The following PLCH1 variants were observed in gnomAD, a reference collection of about 807,000 sequenced individuals.
The protein encoded by PLCH1 is phospholipase C eta 1.
In PLCH1, 60 loss-of-function variants were observed where a neutral mutation model predicts 126.7. The observed-to-expected ratio is 0.47, with a 90% CI of 0.38 to 0.59. The LOEUF is 0.59. Among genes scored for constraint, PLCH1 ranks in the 20% least tolerant of loss-of-function variants. The probability of loss-of-function intolerance (pLI) is 0.00; values close to 1 mark genes in which losing one functional copy is unlikely to be tolerated. For synonymous variants in PLCH1, 719 were observed against 734.9 expected (o/e 0.98, Z 0.35); for missense variants, 1,723 against 2,040.0 (o/e 0.84, Z 2.99).
rs1432481660 is a variant in PLCH1, at chr3:155,497,377, G to A, written c.1837C>T (p.Leu613Phe). Residue 613 changes from leucine (L) to phenylalanine (F), a missense_variant, in exon 15 of 23, where the codon CTC becomes TTC. Physicochemically the swap from Leu to Phe is conservative, Grantham distance 22 (BLOSUM62 0). This residue lies in a region of PLCH1 where 776 missense variants were observed against 1,062.9 expected (regional missense o/e 0.73). Transcript: ENST00000460012. ...TTTGTGTACACAACCAAATCAGAGA[G>A]TTCTCGGCAGAGCTTCATGGTTTTC... ...RRKTMKLCRELSDLVVYTNSV... is the reference protein window; with the variant it reads ...RRKTMKLCREFSDLVVYTNSV... The A allele has an allele frequency of 6.2e-7, 1 of 1,613,890 alleles. No homozygotes were observed. The highest frequency in any genetic ancestry group is 1.3e-5 in the African/African-American group (1 of 74,922).
chr3:155,560,251 G>C (rs1420518646), intron 8 of PLCH1, among the ~76,000 whole-genome samples: 2 of 152,300 alleles, frequency 1.3e-5, no homozygotes, highest in East Asian at 1.9e-4. Flanking sequence ...AACCATCAGT[G>C]TGAATCCAAT....
chr3:155,465,286 A>G (rs1286592517), intron 21 of PLCH1, among the ~76,000 whole-genome samples: 4 of 152,068 alleles, frequency 2.6e-5, no homozygotes, highest in Non-Finnish European at 5.9e-5. Flanking sequence ...TACATCTAGG[A>G]TACAAGCTCA....
intron 8 of PLCH1, among the ~76,000 whole-genome samples, chr3:155,559,672 A>C (rs59567840): frequency 6.6e-6 from 1 of 152,122 alleles, no homozygotes; most frequent in Admixed American, 6.5e-5. Flanking sequence ...ATAAAAAATT[A>C]CATATCCTTC....
intron 21 of PLCH1, among the ~76,000 whole-genome samples, chr3:155,461,527 C>CA (rs71155046): frequency 6.6e-6 from 1 of 152,094 alleles, no homozygotes; most frequent in Admixed American, 6.6e-5. Context: ...AAGACACACA[C>CA]AAAAAATGTG....
chr3:155,521,277 C>T (rs923236759), intron 11 of PLCH1, among the ~76,000 whole-genome samples: 3 of 152,182 alleles, frequency 2.0e-5, no homozygotes, highest in African/African-American at 7.2e-5. Context: ...TGTCTATCCT[C>T]CTCTTCTCCC....
At position 155,482,436 on chromosome 3, in the gene PLCH1, T is replaced by C. The variant is rs1394228134; in HGVS notation, c.3590A>G (p.Glu1197Gly). 2.5e-6 allele frequency: 4 copies of C among 1,614,178 alleles called. No homozygotes were observed. The highest frequency in any genetic ancestry group is 3.4e-6 in the Non-Finnish European group (4 of 1,180,022). ...SISALIGQFDETNNQALTVVS... is the reference protein window; with the variant it reads ...SISALIGQFDGTNNQALTVVS... ...AACTGTGAGAGCCTGATTGTTGGTC[T>C]CATCAAACTGGCCAATCAGGGCTGA... is the stretch of plus-strand genomic sequence containing the variant. The change falls in exon 23 of 23, where the codon GAG (glutamate) becomes GGG (glycine). Residue 1197 changes from glutamate to glycine, a missense_variant. Glu to Gly is a moderately conservative substitution (Grantham distance 98). Transcript: ENST00000460012.
intron 2 of PLCH1, among the ~76,000 whole-genome samples, chr3:155,692,039 A>G (rs901830440): frequency 6.6e-5 from 10 of 152,150 alleles, no homozygotes; most frequent in African/African-American, 2.4e-4. Flanking sequence ...AAAAAAAAAA[A>G]AAAATTAGTG....
intron 1 of PLCH1, among the ~76,000 whole-genome samples, chr3:155,715,710 T>G (rs528410455): frequency 6.6e-6 from 1 of 151,072 alleles, no homozygotes; most frequent in South Asian, 2.1e-4. Context: ...CCTCCTAGGA[T>G]TAAGGGATCC....
At chr3:155,476,067 A>G (rs1713533124), downstream of PLCH1, among the ~76,000 whole-genome samples, 1 of 152,190 alleles carries the variant, frequency 6.6e-6, no homozygotes, top group Admixed American at 6.5e-5. Flanking sequence ...CCGTAACAAA[A>G]TACTAGCAAA....
At chr3:155,661,792 G>T (rs34394924) in intron 2 of PLCH1, among the ~76,000 whole-genome samples, 21,673 of 152,134 alleles carry the variant, frequency 0.14, 1,586 homozygotes, top group Middle Eastern at 0.22. Flanking sequence ...TAGGGTTGTG[G>T]TCTGCTCTCT....
chr3:155,470,755 G>C (rs933216459), intron 21 of PLCH1, among the ~76,000 whole-genome samples: 5 of 151,970 alleles, frequency 3.3e-5, no homozygotes, highest in Non-Finnish European at 7.4e-5. Flanking sequence ...AGCCAGAAGA[G>C]AGTGGGGGCC....
intron 2 of PLCH1, among the ~76,000 whole-genome samples, chr3:155,598,693 T>C (rs1308900370): frequency 6.6e-6 from 1 of 152,198 alleles, no homozygotes; most frequent in Non-Finnish European, 1.5e-5. Context: ...ACTTACTAAC[T>C]GTATGACTAC....
chr3:155,465,846 G>C (rs191234607), intron 21 of PLCH1, among the ~76,000 whole-genome samples: 18 of 152,322 alleles, frequency 1.2e-4, no homozygotes, highest in African/African-American at 4.8e-5. Flanking sequence ...TAGTCTGACA[G>C]TACTCCTCAT....
intron 2 of PLCH1, among the ~76,000 whole-genome samples, chr3:155,624,605 A>AACAG (rs199568734): frequency 0.43 from 64,856 of 151,618 alleles, 16,418 homozygotes; most frequent in African/African-American, 0.69. Context: ...ATACACGAAT[A>AACAG]ACAGAGAGCC....
chr3:155,610,175 C>T (rs1734854339), intron 2 of PLCH1, among the ~76,000 whole-genome samples: 1 of 151,902 alleles, frequency 6.6e-6, no homozygotes, highest in African/African-American at 2.4e-5. Flanking sequence ...TCCTGGCTAA[C>T]ATGGTGAAAC....
intron 13 of PLCH1, among the ~76,000 whole-genome samples, chr3:155,503,331 C>G (rs1184832238): frequency 6.6e-6 from 1 of 152,074 alleles, no homozygotes; most frequent in Non-Finnish European, 1.5e-5. Flanking sequence ...TGTATGTACT[C>G]TCTTGGGTCT....
At chr3:155,648,321 C>T (rs1740291279) in intron 2 of PLCH1, among the ~76,000 whole-genome samples, 1 of 152,116 alleles carries the variant, frequency 6.6e-6, no homozygotes, top group African/African-American at 2.4e-5. Flanking sequence ...GAACCATCAC[C>T]ACAAGATGTT....
chr3:155,488,580 G>T, intron 20 of PLCH1, 80 bp downstream of exon 20: 1 of 1,155,692 alleles, frequency 8.7e-7, no homozygotes, highest in Non-Finnish European at 1.2e-6. Context: ...ATGCTATTAT[G>T]TAAGTAACAT....
At chr3:155,663,956 A>C (rs1742454263) in intron 2 of PLCH1, among the ~76,000 whole-genome samples, 1 of 152,140 alleles carries the variant, frequency 6.6e-6, no homozygotes, top group South Asian at 2.1e-4. Flanking sequence ...GAGACAGTGC[A>C]CTTGTGATAC....
Sources: gnomAD v4.1 joint callset for allele counts (sites outside exome capture counted in the v4.1 genomes callset) on GRCh38, gnomAD v4.1.1 for gene constraint, gnomAD v4.1.1 regional missense constraint, MANE v1.5 for transcripts, NCBI Gene and HGNC (gene_info 2026-07-23, HGNC 2026-07-21) for gene names.